The following FHIT variants were observed in gnomAD, a reference collection of about 807,000 sequenced individuals.
The protein encoded by FHIT is fragile histidine triad diadenosine triphosphatase.
Under a neutral mutation model 17.9 loss-of-function variants are expected in FHIT, and 19 were observed. The ratio of observed to expected loss-of-function variants is 1.06; its 90% CI spans 0.74 to 1.56. FHIT has a LOEUF of 1.56. FHIT is among the 40% of genes most tolerant of loss of function. The pLI is 0.00. For missense variants in FHIT, 248 were observed against 189.2 expected, an observed-to-expected ratio of 1.31 and a Z score of -1.82; for synonymous variants, 81 against 69.7, an observed-to-expected ratio of 1.16 and a Z score of -0.81.
chr3:60,455,064 C>T (rs1268391539), intron 5 of FHIT, among the ~76,000 whole-genome samples: 1 of 151,850 alleles, frequency 6.6e-6, no homozygotes, highest in Non-Finnish European at 1.5e-5. Flanking sequence ...TTTTAAATTT[C>T]CTTATTTTTA....
intron 8 of FHIT, among the ~76,000 whole-genome samples, chr3:59,795,955 C>G (rs570197174): frequency 2.7e-4 from 41 of 152,216 alleles, no homozygotes; most frequent in African/African-American, 9.9e-4. Context: ...TTTGTCTCTA[C>G]CAGAACTCGA....
In FHIT at chr3:60,720,823, G is replaced by A. The variant is rs2107963045; in HGVS notation, c.-18+101096C>T. 5.9e-5 allele frequency among the ~76,000 whole-genome samples: 9 copies of A among 152,248 alleles called. No homozygotes were observed. The South Asian group carries it at 1.9e-3, about 32-fold the overall frequency. On this transcript the variant is annotated intron_variant, in intron 4 of 9. Coordinates refer to ENST00000492590, the MANE Select transcript of FHIT (RefSeq NM_002012.4). The stretch of plus-strand genomic sequence containing the variant: ...TCATGGCATGAGTCTGTGGCCCACA[G>A]AAAGGGGCAGTAATATGAATACATG...
At chr3:60,505,477 A>C (rs940827404) in intron 5 of FHIT, among the ~76,000 whole-genome samples, 1 of 152,140 alleles carries the variant, frequency 6.6e-6, no homozygotes, top group Non-Finnish European at 1.5e-5. Flanking sequence ...TTTCCCTAAA[A>C]CTTCTTTTAA....
intron 8 of FHIT, among the ~76,000 whole-genome samples, chr3:59,775,424 G>A (rs1004571930): frequency 1.3e-5 from 2 of 152,126 alleles, no homozygotes; most frequent in Non-Finnish European, 2.9e-5. Flanking sequence ...TCAGTGAATT[G>A]GTTCTCCTGT....
At chr3:61,144,701 C>T (rs1024263661) in intron 2 of FHIT, among the ~76,000 whole-genome samples, 9 of 152,158 alleles carry the variant, frequency 5.9e-5, no homozygotes, top group Admixed American at 3.3e-4. Flanking sequence ...TCCTCACCAA[C>T]GCTTGTTATT....
intron 5 of FHIT, among the ~76,000 whole-genome samples, chr3:60,448,784 G>A (rs1158662971): frequency 6.6e-6 from 1 of 152,106 alleles, no homozygotes; most frequent in Non-Finnish European, 1.5e-5. Context: ...CATCCTGGGA[G>A]CCATGATTCT....
At chr3:61,047,132 G>T (rs771207914) in intron 2 of FHIT, among the ~76,000 whole-genome samples, 5 of 152,146 alleles carry the variant, frequency 3.3e-5, no homozygotes, top group Admixed American at 1.3e-4. Context: ...TCTGGCCAGG[G>T]CAATCAGACA....
chr3:60,387,777 T>C (rs765715507), intron 5 of FHIT, among the ~76,000 whole-genome samples: 5 of 152,152 alleles, frequency 3.3e-5, no homozygotes, highest in Admixed American at 6.5e-5. Flanking sequence ...ATTTTGGCTA[T>C]AGTTTGCTTA....
intron 5 of FHIT, among the ~76,000 whole-genome samples, chr3:60,299,291 T>C (rs1176950473): frequency 6.6e-6 from 1 of 152,152 alleles, no homozygotes; most frequent in Admixed American, 6.6e-5. Context: ...CATTGCTGAA[T>C]TCAATTTGCT....
At chr3:60,441,782 AAAT>A (rs1485460984) in intron 5 of FHIT, among the ~76,000 whole-genome samples, 10 of 10,218 alleles carry the variant, frequency 9.8e-4, no homozygotes, top group East Asian at 4.7e-3. Flanking sequence ...ATATGTATAA[AAAT>A]ATATATATAT....
At chr3:60,567,683 G>A (rs1435157084) in intron 4 of FHIT, among the ~76,000 whole-genome samples, 1 of 152,116 alleles carries the variant, frequency 6.6e-6, no homozygotes, top group Non-Finnish European at 1.5e-5. Context: ...TACAGAATGG[G>A]AGAAAATTTT....
At position 61,073,002 on chromosome 3, in the gene FHIT, C is replaced by T. The variant is rs183020234; in HGVS notation, c.-163-30903G>A. Among the ~76,000 whole-genome samples the T allele has an allele frequency of 9.9e-5, 15 of 152,104 alleles. No homozygotes were observed. The East Asian group carries it at 1.2e-3, about 12-fold the overall frequency. ...TTTCTCTAATTTTTTTATAAAGGCC[C>T]CCAAAAACTATGGACAAAGACAAAG... On this transcript the variant is annotated intron_variant, in intron 2 of 9. Transcript: ENST00000492590.
At chr3:60,173,913 A>ATTTTT (rs1359545917) in intron 5 of FHIT, among the ~76,000 whole-genome samples, 3 of 68,504 alleles carry the variant, frequency 4.4e-5, no homozygotes, top group East Asian at 7.7e-4. Flanking sequence ...ATATATATAT[A>ATTTTT]TATGTTTTTT....
chr3:60,158,001 C>T (rs1472274163), intron 5 of FHIT, among the ~76,000 whole-genome samples: 1 of 152,270 alleles, frequency 6.6e-6, no homozygotes, highest in Admixed American at 6.5e-5. Context: ...AGTTGTTCTT[C>T]CTTAGAAGCA....
chr3:60,590,335 T>C (rs1376991856), intron 4 of FHIT, among the ~76,000 whole-genome samples: 1 of 152,028 alleles, frequency 6.6e-6, no homozygotes, highest in Non-Finnish European at 1.5e-5. Flanking sequence ...CAAATGCTGT[T>C]ACTAATCGCC....
intron 5 of FHIT, among the ~76,000 whole-genome samples, chr3:60,166,160 G>A (rs1240082772): frequency 1.3e-5 from 2 of 150,748 alleles, no homozygotes; most frequent in African/African-American, 2.4e-5. Context: ...CTACTGTAAG[G>A]ACTGTTTTTC....
At chr3:60,127,741 T>C (rs66498237) in intron 5 of FHIT, among the ~76,000 whole-genome samples, 38,955 of 151,980 alleles carry the variant, frequency 0.26, 5,571 homozygotes, top group East Asian at 0.38. Context: ...GCTAGCACTA[T>C]TGGCGTGCTC....
At chr3:59,836,938 T>G (rs1432444488) in intron 8 of FHIT, among the ~76,000 whole-genome samples, 1 of 152,232 alleles carries the variant, frequency 6.6e-6, no homozygotes, top group East Asian at 1.9e-4. Flanking sequence ...AGATTTGACT[T>G]GTTATAGTGC....
chr3:60,860,933 A>C lies in FHIT; in HGVS notation c.-110-38922T>G, dbSNP rs1195038902. Among the ~76,000 whole-genome samples the C allele has an allele frequency of 2.8e-5, 3 of 107,652 alleles. No homozygotes were observed. The Admixed American group carries it at 3.0e-4, about 11-fold the overall frequency. 70.6% of individuals were successfully genotyped at this position (107,652 alleles called of 152,430 possible). On this transcript the variant is annotated intron_variant, in intron 3 of 9. Coordinates refer to ENST00000492590, the MANE Select transcript of FHIT (RefSeq NM_002012.4). Reference sequence around the variant, plus strand: ...GTATATATGATACATATATACGTATATATCATGTATATATGATACATATAT... The same window carrying C: ...GTATATATGATACATATATACGTATCTATCATGTATATATGATACATATAT...
Sources: gnomAD v4.1 joint callset for allele counts (sites outside exome capture counted in the v4.1 genomes callset) on GRCh38, gnomAD v4.1.1 for gene constraint, MANE v1.5 for transcripts, NCBI Gene and HGNC (gene_info 2026-07-23, HGNC 2026-07-21) for gene names.